LINGO1: variants seen among roughly 807,000 people sequenced by gnomAD.
The protein encoded by LINGO1 is leucine-rich repeat and immunoglobulin-like domain-containing nogo receptor-interacting protein 1.
Under a neutral mutation model 37.3 loss-of-function variants are expected in LINGO1, and 11 were observed. That is an observed-to-expected ratio of 0.29 (90% CI 0.19 to 0.49). LINGO1 has a LOEUF of 0.49. Ranked by LOEUF, LINGO1 falls within the 20% of genes least tolerant of loss-of-function variation. The probability of loss-of-function intolerance (pLI) is 0.99; values close to 1 mark genes in which losing one functional copy is unlikely to be tolerated. For synonymous variants in LINGO1, 387 were observed against 403.0 expected, an observed-to-expected ratio of 0.96 and a Z score of 0.48; for missense variants, 585 against 878.2, an observed-to-expected ratio of 0.67 and a Z score of 4.22.
intron 3 of LINGO1, among the ~76,000 whole-genome samples, chr15:77,664,372 C>T (rs1416827968): frequency 6.6e-6 from 1 of 152,060 alleles, no homozygotes; most frequent in East Asian, 1.9e-4. Flanking sequence ...GAGCTGGTGC[C>T]CCAGGCCTGT....
intron 2 of LINGO1, among the ~76,000 whole-genome samples, chr15:77,792,071 G>A (rs1246762192): frequency 2.6e-5 from 4 of 151,840 alleles, no homozygotes; most frequent in African/African-American, 7.3e-5. Flanking sequence ...AGCTCTTCCC[G>A]CAGCTGCAGG....
chr15:77,644,338 CCTCT>C (rs2074575836), intron 3 of LINGO1, among the ~76,000 whole-genome samples: 1 of 152,174 alleles, frequency 6.6e-6, no homozygotes, highest in Admixed American at 6.5e-5. Flanking sequence ...CGGGCTGTGC[CCTCT>C]CTCTCTATCC....
At chr15:77,680,619 G>A (rs1360113734) in intron 2 of LINGO1, among the ~76,000 whole-genome samples, 1 of 152,174 alleles carries the variant, frequency 6.6e-6, no homozygotes, top group Non-Finnish European at 1.5e-5. Flanking sequence ...GAAGGGAGGT[G>A]TGAGCTGAGG....
intron 2 of LINGO1, among the ~76,000 whole-genome samples, chr15:77,722,640 T>C (rs1414503513): frequency 6.6e-6 from 1 of 152,260 alleles, no homozygotes; most frequent in African/African-American, 2.4e-5. Context: ...TAAGGTGTGG[T>C]AATGGTATCA....
At chr15:77,717,650 A>G (rs2076000800) in intron 2 of LINGO1, among the ~76,000 whole-genome samples, 1 of 150,808 alleles carries the variant, frequency 6.6e-6, no homozygotes, top group African/African-American at 2.4e-5. Flanking sequence ...GCCCGCTTCT[A>G]CCTTAGCTGG....
chr15:77,816,447 CT>C (rs528340650), intron 1 of LINGO1, among the ~76,000 whole-genome samples: 121 of 152,350 alleles, frequency 7.9e-4, no homozygotes, highest in Admixed American at 1.5e-3. Flanking sequence ...TCAGGGGCAG[CT>C]TTTCCACCTT....
chr15:77,738,770 A>AGGAT (rs2076228473), intron 1 of LINGO1, among the ~76,000 whole-genome samples: 1 of 150,382 alleles, frequency 6.6e-6, no homozygotes, highest in Non-Finnish European at 1.5e-5. Context: ...GAAGGAAGGA[A>AGGAT]GGAAGGAAGG....
rs928013578 is a variant in LINGO1, at chr15:77,738,971, G to A, written c.-256-3918C>T. 6.6e-5 allele frequency among the ~76,000 whole-genome samples: 10 copies of A among 152,386 alleles called. 1 individual carries two copies. The highest frequency in any genetic ancestry group is 1.2e-4 in the African/African-American group (5 of 41,602). ...ACTGCAAAGGCAGGGAGGTGGAAGC[G>A]AGACTGAGGTCCGGCCAGCTGGCGC... is the stretch of plus-strand genomic sequence containing the variant. On this transcript the variant is annotated intron_variant, in intron 1 of 3. Coordinates refer to the LINGO1 transcript ENST00000561686.
At chr15:77,790,735 C>G (rs2076812294), upstream of LINGO1, among the ~76,000 whole-genome samples, 1 of 152,144 alleles carries the variant, frequency 6.6e-6, no homozygotes, top group Non-Finnish European at 1.5e-5. Context: ...CTTCCAGATG[C>G]TAAACATAGC....
intron 1 of LINGO1, among the ~76,000 whole-genome samples, chr15:77,772,940 C>G (rs1273845915): frequency 6.6e-6 from 1 of 152,184 alleles, no homozygotes; most frequent in African/African-American, 2.4e-5. Context: ...GAGTGGGCTT[C>G]AGTCTCTCCC....
intron 2 of LINGO1, among the ~76,000 whole-genome samples, chr15:77,680,108 G>A (rs35971971): frequency 0.12 from 18,472 of 152,254 alleles, 1,400 homozygotes; most frequent in Non-Finnish European, 0.17. Context: ...GAGCCCGTGC[G>A]TGACCTCATC....
chr15:77,614,485 G>A lies in LINGO1; in HGVS notation c.1422C>T (p.Leu474=), dbSNP rs1283242382. 2 of 1,610,472 alleles carry A rather than the reference G, an allele frequency of 1.2e-6. No homozygotes were observed. Among genetic ancestry groups the A allele is most frequent in the South Asian group, 2.2e-5 (2 of 91,074 alleles). Residue 474 remains leucine, a synonymous_variant, in exon 2 of 2, where the codon CTC becomes CTT. Coordinates refer to ENST00000355300, the MANE Select transcript of LINGO1 (RefSeq NM_032808.7). ...CCAGCGTGCCATCAGGGAAGACTGT[G>A]AGCCGCCCATTGCTCTTGGCTGAGA... ...HLVSAKSNGR[L]TVFPDGTLEV...
rs2073599172 is a variant in LINGO1, at chr15:77,614,073, G to A, written c.1834C>T (p.Pro612Ser). The A allele has an allele frequency of 6.2e-7, 1 of 1,606,272 alleles. No homozygotes were observed. Among genetic ancestry groups the A allele is most frequent in the Admixed American group, 1.7e-5 (1 of 58,158 alleles). Reference sequence around the variant, plus strand: ...ATCATCTTCATGTTGAACTTGCGGGGCGCGTCGGCGGAGCTGATGCCTGCG... The same window carrying A: ...ATCATCTTCATGTTGAACTTGCGGGACGCGTCGGCGGAGCTGATGCCTGCG... ...SDAGISSADA[P>S]RKFNMKMI The change falls in exon 2 of 2, where the codon CCC becomes TCC. Residue 612 changes from proline to serine, a missense_variant. This residue lies in a region of LINGO1 where 34 missense variants were observed against 62.0 expected (regional missense o/e 0.55). Transcript: ENST00000355300.
Position 77,756,021 on chromosome 15 carries a change from G to T in LINGO1, c.-256-20968C>A, listed in dbSNP as rs116530565. On this transcript the variant is annotated intron_variant, in intron 1 of 3. Coordinates refer to the LINGO1 transcript ENST00000561686. ...TGTCTGGACAGTGTGGCTCAGCAAA[G>T]GCTTGCTGGTGGGAAGTAGGGGGGT... Among the ~76,000 whole-genome samples, 483 of 152,280 alleles carry T rather than the reference G, an allele frequency of 3.2e-3. 1 individual carries two copies. The highest frequency in any genetic ancestry group is 0.011 in the African/African-American group (463 of 41,566).
chr15:77,613,876 C>CA lies in LINGO1; in HGVS notation c.*167dup. 1.6e-6 allele frequency: 1 copy of CA among 631,444 alleles called. No homozygotes were observed. The highest frequency in any genetic ancestry group is 2.7e-6 in the Non-Finnish European group (1 of 369,666). The allele number at this position is 631,444 out of a possible 1,614,324, so 39.1% of individuals were successfully genotyped here. A position where few individuals can be genotyped will look rare whatever the true frequency, so the allele number is the denominator to read the frequency against. On this transcript the variant is annotated 3_prime_UTR_variant, in exon 2 of 2. Coordinates refer to ENST00000355300, the MANE Select transcript of LINGO1 (RefSeq NM_032808.7). Reference sequence around the variant, plus strand: ...TTCTGAGGTCCTGGTAGAAGGAGGGCAGGTGGTGAGGGCTGGCGGGGGGCA... The same window carrying CA: ...TTCTGAGGTCCTGGTAGAAGGAGGGCAAGGTGGTGAGGGCTGGCGGGGGGCA...
At chr15:77,702,829 G>A (rs1245833869) in intron 2 of LINGO1, among the ~76,000 whole-genome samples, 1 of 152,210 alleles carries the variant, frequency 6.6e-6, no homozygotes, top group Non-Finnish European at 1.5e-5. Flanking sequence ...GCATGGCTGT[G>A]TTCTGTGCCA....
intron 2 of LINGO1, among the ~76,000 whole-genome samples, chr15:77,721,472 C>G (rs1488177734): frequency 6.6e-6 from 1 of 152,236 alleles, no homozygotes; most frequent in South Asian, 2.1e-4. Flanking sequence ...AATACCCTGA[C>G]AGCACCCCAC....
chr15:77,758,518 C>T (rs907615120), intron 1 of LINGO1, among the ~76,000 whole-genome samples: 1 of 152,016 alleles, frequency 6.6e-6, no homozygotes. Flanking sequence ...TGGGGCAGTT[C>T]AGAGCCAGCA....
intron 3 of LINGO1, among the ~76,000 whole-genome samples, chr15:77,659,800 G>GT (rs1174629231): frequency 7.7e-6 from 1 of 129,154 alleles, no homozygotes; most frequent in African/African-American, 2.8e-5. Flanking sequence ...ATCAATTACT[G>GT]TATTACCAGG....
Sources: allele counts gnomAD v4.1 joint callset (sites outside exome capture counted in the v4.1 genomes callset), GRCh38; gene constraint gnomAD v4.1.1; regional missense constraint gnomAD v4.1.1; transcripts MANE v1.5; gene names NCBI Gene and HGNC (gene_info 2026-07-23, HGNC 2026-07-21).